Variants in DOCK11 observed in about 807,000 individuals in gnomAD.
DOCK11 encodes the protein dedicator of cytokinesis protein 11.
In DOCK11, 70 loss-of-function variants were observed where a neutral mutation model predicts 169.1. That is an observed-to-expected ratio of 0.41 (90% confidence interval 0.34 to 0.51). The LOEUF (loss-of-function observed/expected upper bound fraction) is 0.51. Ranked by LOEUF, DOCK11 falls within the 20% of genes least tolerant of loss-of-function variation. The probability of loss-of-function intolerance (pLI) is 0.10; values close to 1 mark genes in which losing one functional copy is unlikely to be tolerated. For missense variants in DOCK11, 1,166 were observed against 1,538.8 expected (o/e 0.76, Z 4.05); for synonymous variants, 529 against 541.3 (o/e 0.98, Z 0.32).
chrX:118,653,772 C>G (rs1241056124), intron 42 of DOCK11, among the ~76,000 whole-genome samples: 1 of 111,588 alleles, frequency 9.0e-6, no homozygotes, highest in Non-Finnish European at 1.9e-5. Context: ...GACAAGCTCC[C>G]TAACCCCTGT....
At chrX:118,504,397 G>A (rs1347487874) in intron 1 of DOCK11, among the ~76,000 whole-genome samples, 3 of 111,049 alleles carry the variant, frequency 2.7e-5, no homozygotes, top group Non-Finnish European at 5.7e-5. Flanking sequence ...TCATCTTGGC[G>A]TTCTCTTACT....
At position 118,595,766 on chromosome X, in the gene DOCK11, C is replaced by T. The variant is rs543010942; in HGVS notation, c.2264-1665C>T. 2.6e-4 allele frequency among the ~76,000 whole-genome samples: 29 copies of T among 111,653 alleles called. No individual in the cohort carries two copies. The Middle Eastern group carries it at 0.019, about 72-fold the overall frequency. ...GCCAGATGGTGTGCTTGACATTGTA[C>T]CTTTATAGCTTCCAAGTGCTCTCTA... is the stretch of plus-strand genomic sequence containing the variant. On this transcript the variant is annotated intron_variant, in intron 20 of 52. Coordinates refer to ENST00000276202, the MANE Select transcript of DOCK11 (RefSeq NM_144658.4).
chrX:118,541,309 A>G (rs1438794938), intron 1 of DOCK11, among the ~76,000 whole-genome samples: 1 of 111,591 alleles, frequency 9.0e-6, no homozygotes, highest in Admixed American at 9.5e-5. Flanking sequence ...TGCATGCATG[A>G]CAGCTGTGGG....
intron 40 of DOCK11, among the ~76,000 whole-genome samples, chrX:118,648,110 A>ATTG (rs2015824260): frequency 1.3e-5 from 1 of 75,482 alleles, no homozygotes; most frequent in Non-Finnish European, 2.3e-5. Context: ...ACAATATAAT[A>ATTG]TATAAATTGT....
At chrX:118,583,074 T>A (rs777881701) in intron 14 of DOCK11, among the ~76,000 whole-genome samples, 1 of 112,053 alleles carries the variant, frequency 8.9e-6, no homozygotes, top group East Asian at 2.8e-4. Context: ...GTGGCACATA[T>A]ACACCATGGA....
At chrX:118,521,265 CAGTTTCTTTGTTT>C (rs2011261476) in intron 1 of DOCK11, among the ~76,000 whole-genome samples, 1 of 112,210 alleles carries the variant, frequency 8.9e-6, no homozygotes, top group Non-Finnish European at 1.9e-5. Context: ...TTTTAAGTCC[CAGTTTCTTTGTTT>C]ATAAAATAGG....
At chrX:118,643,833 C>T (rs1329686156) in intron 40 of DOCK11, among the ~76,000 whole-genome samples, 1 of 111,785 alleles carries the variant, frequency 8.9e-6, no homozygotes, top group Non-Finnish European at 1.9e-5. Context: ...CCATTAAGCT[C>T]CTTTGAAGAA....
intron 35 of DOCK11, chrX:118,633,425 G>A (rs1039996850): frequency 3.6e-5 from 4 of 111,760 alleles, no homozygotes; most frequent in African/African-American, 1.3e-4. Context: ...TTCTTTTTGC[G>A]GGGAGACCTT....
intron 22 of DOCK11, among the ~76,000 whole-genome samples, chrX:118,598,407 A>C (rs1044082680): frequency 4.5e-5 from 5 of 110,228 alleles, no homozygotes; most frequent in African/African-American, 9.9e-5. Context: ...AAAAAAAAAA[A>C]AACAGTCATT....
intron 14 of DOCK11, among the ~76,000 whole-genome samples, chrX:118,581,281 G>T (rs2013624588): frequency 9.0e-6 from 1 of 111,344 alleles, no homozygotes; most frequent in Non-Finnish European, 1.9e-5. Flanking sequence ...TTTGGGCAAG[G>T]TCTCAAAATG....
chrX:118,558,121 C>T lies in DOCK11; in HGVS notation c.559-3262C>T, dbSNP rs1258848226. Among the ~76,000 whole-genome samples, 3 of 108,351 alleles carry T rather than the reference C, an allele frequency of 2.8e-5. No individual in the cohort carries two copies. In the East Asian group the frequency reaches 8.8e-4, roughly 32 times the overall value. The allele number at this position is 108,351 out of a possible 115,157, so 94.1% of individuals were successfully genotyped here. On this transcript the variant is annotated intron_variant, in intron 6 of 52. Coordinates refer to ENST00000276202, the MANE Select transcript of DOCK11 (RefSeq NM_144658.4). ...CCGAGTTGCTGGGATTACAGGGGTG[C>T]GCCACCACGCCTGGCTAATTTTTGC...
At chrX:118,639,655 G>A (rs1473561799) in intron 38 of DOCK11, 78 bp downstream of exon 38, 21 of 1,032,339 alleles carry the variant, frequency 2.0e-5, no homozygotes, top group Non-Finnish European at 2.1e-5. Context: ...GAAGGTGATG[G>A]ATACCATAAA....
intron 45 of DOCK11, among the ~76,000 whole-genome samples, chrX:118,667,527 T>C (rs1320933577): frequency 9.1e-6 from 1 of 110,473 alleles, no homozygotes; most frequent in Non-Finnish European, 1.9e-5. Flanking sequence ...TTTTCATATT[T>C]GTGTGGGCTA....
intron 39 of DOCK11, 26 bp downstream of exon 39, chrX:118,641,331 T>C: frequency 9.6e-7 from 1 of 1,039,829 alleles, no homozygotes. Context: ...TATAATTCAG[T>C]TGGTACCATT....
intron 1 of DOCK11, among the ~76,000 whole-genome samples, chrX:118,507,546 C>T (rs2057622006): frequency 9.0e-6 from 1 of 111,205 alleles, no homozygotes; most frequent in Non-Finnish European, 1.9e-5. Flanking sequence ...GACGGGGTTT[C>T]ACCATGTTGG....
At chrX:118,500,322 A>T (rs1232582607) in intron 1 of DOCK11, among the ~76,000 whole-genome samples, 2 of 111,743 alleles carry the variant, frequency 1.8e-5, no homozygotes, top group Non-Finnish European at 3.8e-5. Context: ...TGCTGGGATT[A>T]CAGGCGTGAG....
At chrX:118,606,172 C>A (rs960431477) in intron 24 of DOCK11, among the ~76,000 whole-genome samples, 2 of 102,685 alleles carry the variant, frequency 1.9e-5, no homozygotes, top group African/African-American at 7.3e-5. Flanking sequence ...CGGGTTCAAG[C>A]GATTCTTCTG....
intron 1 of DOCK11, among the ~76,000 whole-genome samples, chrX:118,526,273 G>A (rs2011373244): frequency 8.9e-6 from 1 of 112,050 alleles, no homozygotes; most frequent in Admixed American, 9.5e-5. Flanking sequence ...ATCACATTTA[G>A]CCATATTGAA....
At chrX:118,591,930 G>C (rs1226348807) in intron 19 of DOCK11, among the ~76,000 whole-genome samples, 1 of 104,010 alleles carries the variant, frequency 9.6e-6, no homozygotes, top group Non-Finnish European at 2.0e-5. Flanking sequence ...ATGGTTTCCA[G>C]CTTCATCCAT....
Sources: gnomAD v4.1 joint callset for allele counts (sites outside exome capture counted in the v4.1 genomes callset) on GRCh38, gnomAD v4.1.1 for gene constraint, MANE v1.5 for transcripts, NCBI Gene and HGNC (gene_info 2026-07-23, HGNC 2026-07-21) for gene names.